Variants in TOGARAM2 observed in about 807,000 individuals in gnomAD.
The protein encoded by TOGARAM2 is TOG array regulator of axonemal microtubules 2.
In TOGARAM2, 85 loss-of-function variants were observed where a neutral mutation model predicts 93.3. The observed-to-expected ratio is 0.91, with a 90% CI of 0.76 to 1.09. TOGARAM2 has a LOEUF of 1.09. Among genes scored for constraint, TOGARAM2 ranks in the 50% least tolerant of loss-of-function variants. The probability of loss-of-function intolerance (pLI) is 0.00; values close to 1 mark genes in which losing one functional copy is unlikely to be tolerated. For synonymous variants in TOGARAM2, 593 were observed against 552.8 expected (o/e 1.07, Z -1.02); for missense variants, 1,277 against 1,334.5 (o/e 0.96, Z 0.67).
intron 11 of TOGARAM2, among the ~76,000 whole-genome samples, chr2:29,022,751 C>T (rs1665041092): frequency 6.6e-6 from 1 of 152,196 alleles, no homozygotes; most frequent in Non-Finnish European, 1.5e-5. Flanking sequence ...GAGAAGCCCT[C>T]CCTGCCTTCA....
At chr2:28,982,766 G>A (rs1168198022) in intron 1 of TOGARAM2, among the ~76,000 whole-genome samples, 1 of 152,118 alleles carries the variant, frequency 6.6e-6, no homozygotes, top group African/African-American at 2.4e-5. Flanking sequence ...ACAGAAGAAT[G>A]CATAAAATGC....
intron 6 of TOGARAM2, among the ~76,000 whole-genome samples, chr2:29,007,209 G>C (rs1448698499): frequency 6.6e-6 from 1 of 152,108 alleles, no homozygotes; most frequent in African/African-American, 2.4e-5. Flanking sequence ...CACAGGTCAG[G>C]CTCCGGGTTT....
chr2:29,037,334 A>C (rs1178708552), intron 18 of TOGARAM2, among the ~76,000 whole-genome samples: 1 of 152,186 alleles, frequency 6.6e-6, no homozygotes, highest in African/African-American at 2.4e-5. Flanking sequence ...ACCAAAGTGC[A>C]AATTCCAAAC....
intron 18 of TOGARAM2, among the ~76,000 whole-genome samples, chr2:29,041,181 C>T (rs909065953): frequency 4.6e-5 from 7 of 152,096 alleles, no homozygotes; most frequent in African/African-American, 1.7e-4. Context: ...CATGTCACCA[C>T]ACCCGGCCAA....
chr2:28,988,765 C>G (rs961883659), intron 1 of TOGARAM2, among the ~76,000 whole-genome samples: 1 of 152,198 alleles, frequency 6.6e-6, no homozygotes, highest in African/African-American at 2.4e-5. Context: ...ACCTTCCACT[C>G]ACGCCTCAGA....
At chr2:29,003,720 C>T (rs1364960848) in intron 6 of TOGARAM2, 38 bp downstream of exon 6, 2 of 1,441,428 alleles carry the variant, frequency 1.4e-6, no homozygotes, top group East Asian at 2.7e-5. Context: ...GCTGACTTCT[C>T]TCCCTCTGTC....
Position 28,994,802 on chromosome 2 carries a change from G to A in TOGARAM2, c.-33G>A, listed in dbSNP as rs544746331. 1.2e-5 allele frequency: 19 copies of A among 1,551,702 alleles called. No individual in the cohort carries two copies. The African/African-American group carries it at 2.6e-4, about 21-fold the overall frequency. ...TGCCCAGAAATAGCTGCTGCCTCTG[G>A]GCAACCTTGTAGGCACCTTCTCCAC... On this transcript the variant is annotated 5_prime_UTR_variant, in exon 2 of 20. Coordinates refer to ENST00000379558, the MANE Select transcript of TOGARAM2 (RefSeq NM_199280.4).
chr2:28,974,353 C>T (rs943178870), intron 1 of TOGARAM2, among the ~76,000 whole-genome samples: 1 of 152,024 alleles, frequency 6.6e-6, no homozygotes, highest in Non-Finnish European at 1.5e-5. Flanking sequence ...GTCTTGAACC[C>T]CTGACCTCAA....
At chr2:28,989,071 C>A (rs1361133430) in intron 1 of TOGARAM2, among the ~76,000 whole-genome samples, 1 of 152,144 alleles carries the variant, frequency 6.6e-6, no homozygotes, top group Non-Finnish European at 1.5e-5. Context: ...ATTTTTTGAG[C>A]TGGAGTCTTG....
At chr2:28,975,897 G>C (rs950805492) in intron 1 of TOGARAM2, among the ~76,000 whole-genome samples, 1 of 152,052 alleles carries the variant, frequency 6.6e-6, no homozygotes, top group African/African-American at 2.4e-5. Context: ...CTGATGATGG[G>C]ATGGAATTTC....
chr2:29,006,859 C>T (rs1445580714), intron 6 of TOGARAM2, among the ~76,000 whole-genome samples: 1 of 152,204 alleles, frequency 6.6e-6, no homozygotes, highest in Non-Finnish European at 1.5e-5. Flanking sequence ...TCTTCCTCCC[C>T]TCGGAGCAGC....
chr2:28,977,112 C>G (rs1672050552), upstream of TOGARAM2, among the ~76,000 whole-genome samples: 1 of 152,190 alleles, frequency 6.6e-6, no homozygotes, highest in South Asian at 2.1e-4. Context: ...CTCTAAGGGA[C>G]CAGGAGGTCA....
rs141807682 is a variant in TOGARAM2 at position 29,044,201 on chromosome 2, C to G, written c.2636-1123C>G. ...GGAGCTGGGATTGGGGGCGGGCACA[C>G]TGGGACAATTTTTTCAAAAAGGTTT... is the stretch of plus-strand genomic sequence containing the variant. On this transcript the variant is annotated intron_variant, in intron 18 of 19. Transcript: ENST00000379558. 7.0e-4 allele frequency among the ~76,000 whole-genome samples: 107 copies of G among 152,320 alleles called. 2 individuals carry two copies. The highest frequency in any genetic ancestry group is 2.4e-3 in the African/African-American group (98 of 41,560).
chr2:29,027,058 C>T, intron 14 of TOGARAM2, 47 bp downstream of exon 14: 1 of 1,504,366 alleles, frequency 6.6e-7, no homozygotes, highest in Non-Finnish European at 8.9e-7. Flanking sequence ...AACCAACCAG[C>T]CAGCCCTGAG....
intron 19 of TOGARAM2, chr2:29,049,371 C>T (rs1325263158): frequency 1.3e-5 from 2 of 152,230 alleles, no homozygotes; most frequent in African/African-American, 2.4e-5. Flanking sequence ...TTTATCCATT[C>T]CTCAATGGAC....
intron 1 of TOGARAM2, among the ~76,000 whole-genome samples, chr2:28,958,289 C>G (rs1437727208): frequency 6.6e-6 from 1 of 151,392 alleles, no homozygotes; most frequent in African/African-American, 2.4e-5. Context: ...TTCTCCCTCA[C>G]TAGACCTTGT....
chr2:28,990,181 C>T (rs190073201), intron 1 of TOGARAM2, among the ~76,000 whole-genome samples: 1 of 152,280 alleles, frequency 6.6e-6, no homozygotes, highest in African/African-American at 2.4e-5. Flanking sequence ...ATGTTCTGTC[C>T]AGTCTAAACC....
chr2:29,008,618 G>T (rs907610341), intron 6 of TOGARAM2, among the ~76,000 whole-genome samples: 3 of 152,004 alleles, frequency 2.0e-5, no homozygotes, highest in African/African-American at 7.2e-5. Context: ...CACCAGGCCC[G>T]GCTAATTTTT....
intron 13 of TOGARAM2, among the ~76,000 whole-genome samples, chr2:29,026,540 A>T (rs577650907): frequency 6.6e-6 from 1 of 152,286 alleles, no homozygotes; most frequent in East Asian, 1.9e-4. Context: ...GGGAAGATGG[A>T]GAAGAGTACT....
Sources: gnomAD v4.1 joint callset for allele counts (sites outside exome capture counted in the v4.1 genomes callset) on GRCh38, gnomAD v4.1.1 for gene constraint, MANE v1.5 for transcripts, NCBI Gene and HGNC (gene_info 2026-07-23, HGNC 2026-07-21) for gene names.